The following ZNF385B variants were observed in gnomAD, a reference collection of about 807,000 sequenced individuals.
ZNF385B encodes zinc finger protein 385B.
ZNF385B carries 23 observed loss-of-function variants against 39.2 expected under a neutral mutation model. The observed-to-expected ratio is 0.59, with a 90% CI of 0.42 to 0.83. The LOEUF is 0.83. ZNF385B is among the 40% of genes least tolerant of loss of function. The pLI is 0.00. For synonymous variants in ZNF385B, 205 were observed against 222.6 expected, an observed-to-expected ratio of 0.92 and a Z score of 0.70; for missense variants, 552 against 598.9, an observed-to-expected ratio of 0.92 and a Z score of 0.82.
At chr2:179,557,515 T>C (rs538454389) in intron 3 of ZNF385B, among the ~76,000 whole-genome samples, 24 of 147,800 alleles carry the variant, frequency 1.6e-4, no homozygotes, top group Non-Finnish European at 3.6e-4. Flanking sequence ...CATATATACA[T>C]GTTATATGTG....
intron 3 of ZNF385B, among the ~76,000 whole-genome samples, chr2:179,693,254 T>C (rs1319198018): frequency 6.6e-6 from 1 of 152,236 alleles, no homozygotes; most frequent in Non-Finnish European, 1.5e-5. Flanking sequence ...CTCACTTATG[T>C]TAGCAATTCT....
chr2:179,710,642 G>A (rs1243401762), intron 3 of ZNF385B, among the ~76,000 whole-genome samples: 1 of 152,104 alleles, frequency 6.6e-6, no homozygotes, highest in Non-Finnish European at 1.5e-5. Context: ...CAGTGGTGTT[G>A]GTCTCAAAAT....
At chr2:179,705,978 T>C (rs759355647) in intron 3 of ZNF385B, among the ~76,000 whole-genome samples, 9 of 152,200 alleles carry the variant, frequency 5.9e-5, no homozygotes, top group Non-Finnish European at 1.2e-4. Context: ...ATCCTCCTTT[T>C]AGTCCCTACC....
At chr2:179,588,281 C>T (rs371953689) in intron 3 of ZNF385B, among the ~76,000 whole-genome samples, 6 of 152,052 alleles carry the variant, frequency 3.9e-5, no homozygotes, top group East Asian at 3.9e-4. Flanking sequence ...GCAGAGACGG[C>T]GTTTCACCGT....
At chr2:179,533,951 T>A (rs965418696) in intron 4 of ZNF385B, among the ~76,000 whole-genome samples, 3 of 152,146 alleles carry the variant, frequency 2.0e-5, no homozygotes, top group African/African-American at 7.2e-5. Context: ...TGGAGGTAAA[T>A]AGGGTAAAAT....
chr2:179,520,866 G>A (rs10195249), intron 4 of ZNF385B, among the ~76,000 whole-genome samples: 2,559 of 152,036 alleles, frequency 0.017, 66 homozygotes, highest in African/African-American at 0.059. Flanking sequence ...AAATCAAATT[G>A]AAGTACACTT....
intron 3 of ZNF385B, among the ~76,000 whole-genome samples, chr2:179,715,083 A>G (rs2106392558): frequency 6.6e-6 from 1 of 152,254 alleles, no homozygotes; most frequent in South Asian, 2.1e-4. Flanking sequence ...TATTGCTGAC[A>G]AAATTAAACA....
At chr2:179,806,052 A>G (rs1330174551) in intron 1 of ZNF385B, among the ~76,000 whole-genome samples, 1 of 152,208 alleles carries the variant, frequency 6.6e-6, no homozygotes, top group Admixed American at 6.5e-5. Flanking sequence ...GAAATCATTA[A>G]GGAAGATTGT....
chr2:179,785,926 C>T (rs1704969018), intron 1 of ZNF385B, among the ~76,000 whole-genome samples: 1 of 152,166 alleles, frequency 6.6e-6, no homozygotes, highest in South Asian at 2.1e-4. Context: ...TGTTATCAAA[C>T]AGCATTGCAT....
rs552408642 is a variant in ZNF385B, at chr2:179,718,363, T to G, written c.298+51140A>C. 3.9e-4 allele frequency among the ~76,000 whole-genome samples: 58 copies of G among 148,232 alleles called. No homozygotes were observed. In the South Asian group the frequency reaches 0.011, roughly 29 times the overall value. On this transcript the variant is annotated intron_variant, in intron 3 of 9. Coordinates refer to ENST00000410066, the MANE Select transcript of ZNF385B (RefSeq NM_152520.6). ...AGATATATATATAATCATTTATATC[T>G]TTTTATCTTATATATTATATATTAT...
chr2:179,537,762 C>A (rs374015714), intron 4 of ZNF385B, among the ~76,000 whole-genome samples: 35,048 of 133,254 alleles, frequency 0.26, 4,594 homozygotes, highest in African/African-American at 0.36. Context: ...AACAAACAAA[C>A]AAACAAAAAA....
chr2:179,624,308 C>T (rs975751410), intron 3 of ZNF385B, among the ~76,000 whole-genome samples: 21 of 152,156 alleles, frequency 1.4e-4, no homozygotes, highest in Admixed American at 6.5e-4. Context: ...CACCATCACC[C>T]GCATTTTGTG....
chr2:179,794,319 C>T (rs1220896337), intron 1 of ZNF385B, among the ~76,000 whole-genome samples: 1 of 152,096 alleles, frequency 6.6e-6, no homozygotes, highest in African/African-American at 2.4e-5. Flanking sequence ...TGCACCCATA[C>T]CTGTGTTGTT....
chr2:179,808,181 C>G (rs1393101620), intron 1 of ZNF385B, among the ~76,000 whole-genome samples: 1 of 151,630 alleles, frequency 6.6e-6, no homozygotes. Context: ...TACAGGCGCA[C>G]GCCGCCACGC....
In ZNF385B at chr2:179,580,833, G is replaced by A. The variant is rs569476895; in HGVS notation, c.299-35864C>T. Among the ~76,000 whole-genome samples the A allele has an allele frequency of 1.4e-4, 21 of 152,258 alleles. No individual in the cohort carries two copies. The South Asian group carries it at 2.1e-3, about 15-fold the overall frequency. Reference sequence around the variant, plus strand: ...AATATAGCTGGTATCATGTTCATCCGTCACATTGCAAAGAGCAGGGCCAAC... The same window carrying A: ...AATATAGCTGGTATCATGTTCATCCATCACATTGCAAAGAGCAGGGCCAAC... On this transcript the variant is annotated intron_variant, in intron 3 of 9. Coordinates refer to ENST00000410066, the MANE Select transcript of ZNF385B (RefSeq NM_152520.6).
At chr2:179,530,934 A>G (rs2059214150) in intron 4 of ZNF385B, among the ~76,000 whole-genome samples, 1 of 152,050 alleles carries the variant, frequency 6.6e-6, no homozygotes, top group Admixed American at 6.5e-5. Flanking sequence ...GATCATCTAC[A>G]TTTTCAAACT....
intron 6 of ZNF385B, among the ~76,000 whole-genome samples, chr2:179,466,678 T>G (rs1005941967): frequency 1.3e-5 from 2 of 151,836 alleles, no homozygotes; most frequent in Admixed American, 1.3e-4. Context: ...CCCAGCACTA[T>G]GGGAGGCCAA....
intron 6 of ZNF385B, among the ~76,000 whole-genome samples, chr2:179,457,683 G>A (rs1023495810): frequency 3.3e-5 from 5 of 151,966 alleles, no homozygotes; most frequent in African/African-American, 9.7e-5. Context: ...TATATTTTGT[G>A]AGCGTTTGTT....
intron 1 of ZNF385B, among the ~76,000 whole-genome samples, chr2:179,797,779 T>C (rs1705764469): frequency 6.6e-6 from 1 of 152,172 alleles, no homozygotes; most frequent in Non-Finnish European, 1.5e-5. Flanking sequence ...TTGTCACCAA[T>C]AAGTTATGGG....
Sources: gnomAD v4.1 joint callset for allele counts (sites outside exome capture counted in the v4.1 genomes callset) on GRCh38, gnomAD v4.1.1 for gene constraint, MANE v1.5 for transcripts, NCBI Gene and HGNC (gene_info 2026-07-23, HGNC 2026-07-21) for gene names.